Variants in SI observed in about 807,000 individuals in gnomAD.
SI encodes the protein sucrase-isomaltase, also known as sucrase-isomaltase, intestinal.
In SI, 235 loss-of-function variants were observed where a neutral mutation model predicts 253.3. The observed-to-expected ratio is 0.93, with a 90% CI of 0.83 to 1.03. The LOEUF (loss-of-function observed/expected upper bound fraction) is 1.03. SI is among the 50% of genes least tolerant of loss of function. SI has a pLI of 0.00. For synonymous variants in SI, 819 were observed against 712.0 expected, an observed-to-expected ratio of 1.15 and a Z score of -2.39; for missense variants, 2,442 against 2,211.1, an observed-to-expected ratio of 1.10 and a Z score of -2.09.
intron 31 of SI, among the ~76,000 whole-genome samples, 156 bp downstream of exon 31, chr3:165,017,392 A>T (rs1719088768): frequency 6.6e-6 from 1 of 152,020 alleles, no homozygotes; most frequent in Admixed American, 6.6e-5. Flanking sequence ...TCTGACAAAG[A>T]CACTGTTTAT....
intron 5 of SI, among the ~76,000 whole-genome samples, chr3:165,068,329 T>C (rs1714364982): frequency 6.6e-6 from 1 of 152,220 alleles, no homozygotes; most frequent in Non-Finnish European, 1.5e-5. Flanking sequence ...ATTCGTATGT[T>C]ATATTTGCAT....
chr3:165,063,542 C>G lies in SI; in HGVS notation c.808-1G>C, dbSNP rs1714081800. The G allele has an allele frequency of 7.7e-7, 1 of 1,304,278 alleles. No homozygotes were observed. Among genetic ancestry groups the G allele is most frequent in the African/African-American group, 1.5e-5 (1 of 68,458 alleles). The allele number at this position is 1,304,278 out of a possible 1,614,324, so 80.8% of individuals were successfully genotyped here. On this transcript the variant is annotated splice_acceptor_variant, in intron 7 of 47. Transcript: ENST00000264382. LOFTEE classifies it high-confidence loss of function. The stretch of plus-strand genomic sequence containing the variant: ...GATGGCCGTATAAATTATTATTATT[C>G]TATAAGGCAAGAATTTGAAAATACG...
rs1034908417 is a variant in SI at position 165,046,789 on chromosome 3, A to C, written c.1887+52T>G. 7 of 1,352,624 alleles carry C rather than the reference A, an allele frequency of 5.2e-6. No homozygotes were observed. The African/African-American group carries it at 8.6e-5, about 17-fold the overall frequency. The allele number at this position is 1,352,624 out of a possible 1,614,324, so 83.8% of individuals were successfully genotyped here. A position where few individuals can be genotyped will look rare whatever the true frequency, so the allele number is the denominator to read the frequency against. ...CTAAAATTAATTAAGATTACATTAA[A>C]AATTAATGTAATTGTAGCTTTTATG... On this transcript the variant is annotated intron_variant, in intron 16 of 47. Transcript: ENST00000264382.
At chr3:164,996,032 A>G (rs1172732329) in intron 40 of SI, among the ~76,000 whole-genome samples, 1 of 151,776 alleles carries the variant, frequency 6.6e-6, no homozygotes, top group African/African-American at 2.4e-5. Context: ...TTATGTCTCT[A>G]TTGTCCAGCT....
intron 13 of SI, among the ~76,000 whole-genome samples, chr3:165,054,209 T>C (rs9714197): frequency 0.58 from 88,451 of 151,880 alleles, 26,147 homozygotes; most frequent in East Asian, 0.81. Context: ...AAAATAGAGA[T>C]GGTGTGGACC....
intron 35 of SI, among the ~76,000 whole-genome samples, chr3:165,008,469 A>T (rs1319100406): frequency 6.6e-6 from 1 of 151,996 alleles, no homozygotes; most frequent in East Asian, 1.9e-4. Flanking sequence ...GATCTAAATA[A>T]ATAAGTCAGC....
the SI span, among the ~76,000 whole-genome samples, chr3:165,089,435 C>G: frequency 6.6e-5 from 10 of 151,980 alleles, no homozygotes; most frequent in Non-Finnish European, 1.2e-4. Context: ...CAAAGAGAAG[C>G]CACCCCTGGT....
rs199996048 is a variant in SI, at chr3:165,047,010, G to A, written c.1718C>T (p.Ala573Val). Residue 573 changes from alanine (A) to valine (V), a missense_variant and splice_region_variant, in exon 16 of 48, where the codon GCT becomes GTT. Transcript: ENST00000264382. The part of the protein sequence containing the change: ...GYSMAIATEQ[A>V]VQKVFPNKRS... ...CTTATTAGGAAAAACTTTTTGTACA[G>A]CTCTAAAAATAAAACCAAATTAACA... The A allele has an allele frequency of 5.4e-5, 86 of 1,592,174 alleles. No homozygotes were observed. The highest frequency in any genetic ancestry group is 2.1e-4 in the Admixed American group (12 of 58,016).
At chr3:165,022,112 TATC>T (rs1471012267) in intron 26 of SI, among the ~76,000 whole-genome samples, 1 of 151,668 alleles carries the variant, frequency 6.6e-6, no homozygotes, top group Non-Finnish European at 1.5e-5. Context: ...TTCTGTTAAA[TATC>T]TTCTTATGAG....
At chr3:165,032,185 C>G (rs148187492) in intron 24 of SI, among the ~76,000 whole-genome samples, 9 of 151,202 alleles carry the variant, frequency 6.0e-5, no homozygotes, top group South Asian at 4.1e-4. Flanking sequence ...TTGGGATTTT[C>G]TTTTGCGTGC....
rs769831553 is a variant in SI at position 165,023,677 on chromosome 3, C to T, written c.2992G>A (p.Asp998Asn). The change falls in exon 26 of 48, where the codon GAC (aspartate) becomes AAC (asparagine). Residue 998 changes from aspartate to asparagine, a missense_variant. By Grantham distance (23) the Asp-to-Asn change is conservative. Coordinates refer to ENST00000264382, the MANE Select transcript of SI (RefSeq NM_001041.4). ...GCATTTGCAGTATTTAGTTGGAGGT[C>T]AGCTGTTATACCCATGGATGAATAG... ...ARYSSMGITA[D>N]LQLNTANARI... The T allele has an allele frequency of 1.9e-6, 3 of 1,610,836 alleles. No individual in the cohort carries two copies. The highest frequency in any genetic ancestry group is 2.5e-6 in the Non-Finnish European group (3 of 1,177,918).
chr3:165,015,965 T>G lies in SI; in HGVS notation c.3875A>C (p.Tyr1292Ser). 1 of 1,610,256 alleles carries G rather than the reference T, an allele frequency of 6.2e-7. No individual in the cohort carries two copies. The highest frequency in any genetic ancestry group is 8.5e-7 in the Non-Finnish European group (1 of 1,176,626). Residue 1292 changes from tyrosine to serine, a missense_variant, in exon 32 of 48, where the codon TAC becomes TCC. Physicochemically the swap from Tyr to Ser is moderately radical, Grantham distance 144. Coordinates refer to ENST00000264382, the MANE Select transcript of SI (RefSeq NM_001041.4). ...CCAAGTACTGACCAGGATAATAATG[T>G]ATCTCATTCCTTCTCCTCTTATTTT... The part of the protein sequence containing the change: ...VDKIRGEGMR[Y>S]IIILDPAISG...
chr3:165,039,318 TAAAA>T (rs1292017798), intron 19 of SI, among the ~76,000 whole-genome samples, 184 bp from the exon 20 acceptor site: 1 of 151,976 alleles, frequency 6.6e-6, no homozygotes, highest in East Asian at 1.9e-4. Flanking sequence ...TTGTAAAACT[TAAAA>T]AAGCAAAGAG....
At position 165,059,897 on chromosome 3, in the gene SI, C is replaced by T. The variant is rs768469917; in HGVS notation, c.1146+5G>A. 1.9e-6 allele frequency: 3 copies of T among 1,610,662 alleles called. No individual in the cohort carries two copies. The African/African-American group carries it at 4.0e-5, about 22-fold the overall frequency. ...ATATTCCCACGGACCCTTTATTCTA[C>T]TTACAAATGGTATGCCAGCTTCCCG... On this transcript the variant is annotated splice_donor_5th_base_variant and intron_variant, in intron 10 of 47. Coordinates refer to ENST00000264382, the MANE Select transcript of SI (RefSeq NM_001041.4).
At chr3:165,053,684 T>G (rs1713545766) in intron 13 of SI, among the ~76,000 whole-genome samples, 1 of 152,102 alleles carries the variant, frequency 6.6e-6, no homozygotes, top group South Asian at 2.1e-4. Context: ...GGAATTTCAG[T>G]TCTCAATGAA....
chr3:165,066,678 T>C (rs1576920171), intron 6 of SI, among the ~76,000 whole-genome samples: 1 of 151,944 alleles, frequency 6.6e-6, no homozygotes, highest in Non-Finnish European at 1.5e-5. Context: ...GATCATACAG[T>C]ATTTGCCTTT....
chr3:164,996,610 A>G lies in SI; in HGVS notation c.4617T>C (p.Tyr1539=), dbSNP rs750249689. Residue 1539 remains tyrosine (Y), a synonymous_variant, in exon 40 of 48, where the codon TAT becomes TAC. Transcript: ENST00000264382. ...DICGFFNNSE[Y]HLCTRWMQLG... ...GTTGCATCCAGCGGGTACAGAGATG[A>G]TATTCTGAGTTGTTGAAAAAACCAC... The G allele has an allele frequency of 1.9e-6, 3 of 1,609,848 alleles. No individual in the cohort carries two copies. The African/African-American group carries it at 4.0e-5, about 22-fold the overall frequency.
At chr3:165,000,305 G>T (rs1376432159) in intron 37 of SI, among the ~76,000 whole-genome samples, 1 of 151,026 alleles carries the variant, frequency 6.6e-6, no homozygotes, top group Non-Finnish European at 1.5e-5. Flanking sequence ...TGCTTATCAG[G>T]TTGATAAGGA....
intron 24 of SI, among the ~76,000 whole-genome samples, chr3:165,031,958 A>AT (rs887002111): frequency 4.0e-5 from 6 of 151,256 alleles, no homozygotes; most frequent in African/African-American, 1.4e-4. Flanking sequence ...CAATTTTGTT[A>AT]TTTTTTCCCC....
Sources: gnomAD v4.1 joint callset for allele counts (sites outside exome capture counted in the v4.1 genomes callset) on GRCh38, gnomAD v4.1.1 for gene constraint, MANE v1.5 for transcripts, NCBI Gene and HGNC (gene_info 2026-07-23, HGNC 2026-07-21) for gene names.